Variants in SURF4 observed in about 807,000 individuals in gnomAD.
The protein encoded by SURF4 is surfeit 4.
In SURF4, 3 loss-of-function variants were observed where a neutral mutation model predicts 30.0. The observed-to-expected ratio is 0.10, with a 90% CI of 0.05 to 0.26. SURF4 has a LOEUF of 0.26. Among genes scored for constraint, SURF4 ranks in the 10% least tolerant of loss-of-function variants. The pLI, the probability that SURF4 is intolerant of heterozygous loss-of-function variation, is 1.00. For missense variants in SURF4, 217 were observed against 350.8 expected, an observed-to-expected ratio of 0.62 and a Z score of 3.05; for synonymous variants, 143 against 139.9, an observed-to-expected ratio of 1.02 and a Z score of -0.16.
rs2130089117 is a variant in SURF4 at position 133,363,607 on chromosome 9, A to G, written c.696T>C (p.His232=). The G allele has an allele frequency of 1.2e-6, 2 of 1,614,186 alleles. No homozygotes were observed. The highest frequency in any genetic ancestry group is 1.1e-5 in the South Asian group (1 of 91,082). ...FWTIPVYKPM[H]DFLKYDFFQT... ...GGAAGAAGTCGTATTTCAGGAAGTC[A>G]TGCATGGGCTTGTAGACTGGAATGG... Residue 232 remains histidine, a synonymous_variant, in exon 6 of 6, where the codon CAT becomes CAC. Transcript: ENST00000371989. This position sits in a 1 kb window ranked among gnomAD's most constrained non-coding sequence, Gnocchi z 4.3.
Position 133,363,687 on chromosome 9 carries a change from A to G in SURF4, c.616T>C (p.Leu206=), listed in dbSNP as rs2130090789. 6.2e-7 allele frequency: 1 copy of G among 1,614,242 alleles called. No homozygotes were observed. Among genetic ancestry groups the G allele is most frequent in the Non-Finnish European group, 8.5e-7 (1 of 1,180,046 alleles). ...GCAAAGAGCCACACAACAAGAGTCA[A>G]AGCAGCCAGCTTGGTTTTAAAACCA... is the stretch of plus-strand genomic sequence containing the variant. ...AIGFKTKLAA[L]TLVVWLFAIN... is the part of the protein sequence containing the mutation. The change falls in exon 6 of 6, where the codon TTG becomes CTG. Residue 206 remains leucine (L), a synonymous_variant. Coordinates refer to ENST00000371989, the MANE Select transcript of SURF4 (RefSeq NM_033161.4). The surrounding 1 kb of genome is among the most constrained non-coding windows in gnomAD (Gnocchi z 4.3).
At chr9:133,373,404 G>GGACAACAT (rs1216784604) in intron 1 of SURF4, among the ~76,000 whole-genome samples, 1 of 152,174 alleles carries the variant, frequency 6.6e-6, no homozygotes, top group African/African-American at 2.4e-5. Flanking sequence ...AGACCAGCCT[G>GGACAACAT]GACAACATGA....
Position 133,368,830 on chromosome 9 carries a change from G to A in SURF4, c.49-1385C>T, listed in dbSNP as rs182521164. Among the ~76,000 whole-genome samples the A allele has an allele frequency of 1.2e-3, 181 of 152,206 alleles. 4 individuals carry two copies. The South Asian group carries it at 0.036, about 31-fold the overall frequency. ...AATACTGTAACACAGCAAGTCCTTC[G>A]GAGAAAGATCAGGGGACCCATCCAC... On this transcript the variant is annotated intron_variant, in intron 1 of 5. Transcript: ENST00000371989.
At chr9:133,374,805 CT>C (rs1009704820) in intron 1 of SURF4, among the ~76,000 whole-genome samples, 19 of 149,558 alleles carry the variant, frequency 1.3e-4, no homozygotes, top group Non-Finnish European at 1.2e-4. Context: ...TTACTCTTTT[CT>C]TTTTTTTTTA....
intron 1 of SURF4, among the ~76,000 whole-genome samples, chr9:133,372,822 G>A (rs1336614023): frequency 6.6e-6 from 1 of 152,200 alleles, no homozygotes; most frequent in East Asian, 1.9e-4. Flanking sequence ...GTCAGATTCT[G>A]TCCACAAGAA....
intron 1 of SURF4, among the ~76,000 whole-genome samples, chr9:133,374,719 T>C (rs1275796525): frequency 6.6e-6 from 1 of 152,178 alleles, no homozygotes; most frequent in Non-Finnish European, 1.5e-5. Context: ...TGAGAACCGA[T>C]GGTGAGGTCA....
At chr9:133,370,209 T>C (rs2130177800) in intron 1 of SURF4, among the ~76,000 whole-genome samples, 1 of 152,222 alleles carries the variant, frequency 6.6e-6, no homozygotes, top group East Asian at 1.9e-4. Flanking sequence ...GACTCTTAAT[T>C]TGAGTGTCTG....
intron 1 of SURF4, among the ~76,000 whole-genome samples, chr9:133,374,368 C>A (rs905392199): frequency 1.3e-5 from 2 of 151,218 alleles, no homozygotes; most frequent in African/African-American, 4.9e-5. Flanking sequence ...GCCTGACCAA[C>A]ATGGAGAAAC....
intron 1 of SURF4, 24 bp downstream of exon 1, chr9:133,375,898 G>A (rs587679392): frequency 1.6e-6 from 2 of 1,222,426 alleles, no homozygotes; most frequent in Admixed American, 4.3e-5. Flanking sequence ...GACCGGGGCC[G>A]GGGGAGGAGC....
At chr9:133,376,551 G>A, upstream of SURF4, 1 of 1,597,484 alleles carries the variant, frequency 6.3e-7, no homozygotes. Context: ...AGCCCATGGA[G>A]AAGTACCAGG....
upstream of SURF4, chr9:133,376,239 G>A (rs1317117474): frequency 3.1e-6 from 4 of 1,291,452 alleles, no homozygotes; most frequent in African/African-American, 4.7e-5. Context: ...TCGACGCCAC[G>A]CCTCTCACGC....
intron 1 of SURF4, chr9:133,370,913 C>T (rs1188393046): frequency 7.8e-7 from 1 of 1,289,738 alleles, no homozygotes; most frequent in East Asian, 5.5e-5. Context: ...TCTCCGAGAA[C>T]CGCGCCATCA....
chr9:133,376,767 A>ACTAAGGATT (rs1038723370), upstream of SURF4, among the ~76,000 whole-genome samples: 32 of 152,136 alleles, frequency 2.1e-4, no homozygotes, highest in African/African-American at 7.7e-4. Flanking sequence ...TTGTGAATTG[A>ACTAAGGATT]CTAAGGATTC....
intron 1 of SURF4, chr9:133,372,737 T>C (rs2130199629): frequency 1.6e-5 from 11 of 674,770 alleles, no homozygotes; most frequent in Non-Finnish European, 1.8e-5. Flanking sequence ...AATTAGGTCA[T>C]TTTCATGTAA....
intron 1 of SURF4, among the ~76,000 whole-genome samples, chr9:133,374,467 A>G (rs1404742419): frequency 6.6e-6 from 1 of 152,106 alleles, no homozygotes; most frequent in Non-Finnish European, 1.5e-5. Flanking sequence ...AGGCTGAGGC[A>G]GGAGAATCGC....
chr9:133,369,642 G>T (rs1350918022), intron 1 of SURF4, among the ~76,000 whole-genome samples: 2 of 152,222 alleles, frequency 1.3e-5, no homozygotes, highest in African/African-American at 4.8e-5. Context: ...GAAAGGTGAC[G>T]CCACACACCC....
intron 2 of SURF4, among the ~76,000 whole-genome samples, chr9:133,367,039 T>C (rs1837215300): frequency 2.0e-5 from 3 of 152,166 alleles, no homozygotes. Context: ...CCTATTTCCT[T>C]AGCAAGCTCT....
upstream of SURF4, chr9:133,376,540 G>A: frequency 6.3e-7 from 1 of 1,599,418 alleles, no homozygotes; most frequent in Non-Finnish European, 8.5e-7. Flanking sequence ...GTCCCCCGGA[G>A]AGCCCATGGA....
upstream of SURF4, chr9:133,376,126 A>T: frequency 8.3e-7 from 1 of 1,204,832 alleles, no homozygotes; most frequent in Non-Finnish European, 1.0e-6. Flanking sequence ...GCCAAGCCTT[A>T]AAGGGGCCGC....
Sources: allele counts gnomAD v4.1 joint callset (sites outside exome capture counted in the v4.1 genomes callset), GRCh38; gene constraint gnomAD v4.1.1; non-coding constraint Gnocchi (gnomAD v3.1); transcripts MANE v1.5; gene names NCBI Gene and HGNC (gene_info 2026-07-23, HGNC 2026-07-21).